Variants in CUX2 observed in about 807,000 individuals in gnomAD.
The protein encoded by CUX2 is homeobox protein cut-like 2.
Under a neutral mutation model 144.8 loss-of-function variants are expected in CUX2, and 40 were observed. The ratio of observed to expected loss-of-function variants is 0.28; its 90% CI spans 0.21 to 0.36. The LOEUF (loss-of-function observed/expected upper bound fraction) is 0.36, where lower values mean the gene tolerates loss of function less well. Ranked by LOEUF, CUX2 falls within the 10% of genes least tolerant of loss-of-function variation. The pLI is 1.00. For synonymous variants in CUX2, 827 were observed against 875.6 expected, an observed-to-expected ratio of 0.94 and a Z score of 0.98; for missense variants, 1,615 against 1,994.0, an observed-to-expected ratio of 0.81 and a Z score of 3.62.
chr12:111,228,219 A>G (rs1330047526), intron 3 of CUX2, among the ~76,000 whole-genome samples: 2 of 152,138 alleles, frequency 1.3e-5, no homozygotes, highest in African/African-American at 4.8e-5. Context: ...AGTATAGCAC[A>G]GTGGTTAGGA....
At chr12:111,185,549 G>A (rs1879475142) in intron 1 of CUX2, among the ~76,000 whole-genome samples, 1 of 152,232 alleles carries the variant, frequency 6.6e-6, no homozygotes, top group African/African-American at 2.4e-5. Context: ...CTGCAGGCTG[G>A]AAGGAGGTGC....
chr12:111,113,075 TCC>T (rs1172622918), intron 1 of CUX2, among the ~76,000 whole-genome samples: 1 of 152,132 alleles, frequency 6.6e-6, no homozygotes, highest in Non-Finnish European at 1.5e-5. Flanking sequence ...AGTAAGGGCA[TCC>T]CAGGCAGAGG....
At chr12:111,083,249 T>C (rs376215264) in intron 1 of CUX2, among the ~76,000 whole-genome samples, 4 of 151,782 alleles carry the variant, frequency 2.6e-5, no homozygotes, top group East Asian at 1.9e-4. Context: ...CAGGTGACCA[T>C]TGAGGTCACC....
chr12:111,309,379 G>A (rs1008163386), intron 14 of CUX2, among the ~76,000 whole-genome samples: 9 of 152,150 alleles, frequency 5.9e-5, no homozygotes, highest in Admixed American at 2.6e-4. Flanking sequence ...TGGCAAGTTC[G>A]ACTTCCCACC....
intron 1 of CUX2, among the ~76,000 whole-genome samples, chr12:111,069,354 T>C (rs1321590449): frequency 1.3e-5 from 2 of 152,074 alleles, no homozygotes; most frequent in East Asian, 3.9e-4. Flanking sequence ...GGCAGTATTT[T>C]CTCCCTCTTC....
At position 111,057,206 on chromosome 12, in the gene CUX2, G is replaced by C. The variant is rs923808477; in HGVS notation, c.63+22966G>C. On this transcript the variant is annotated intron_variant, in intron 1 of 21. Transcript: ENST00000261726. This position sits in a 1 kb window ranked among gnomAD's most constrained non-coding sequence, Gnocchi z 5.1. Reference sequence around the variant, plus strand: ...TGAGCTGCAGTGGGTGTGATAGGAAGTGGCCCAGTAGCAAGTAAGTGTGAC... The same window carrying C: ...TGAGCTGCAGTGGGTGTGATAGGAACTGGCCCAGTAGCAAGTAAGTGTGAC... Among the ~76,000 whole-genome samples the C allele has an allele frequency of 3.3e-5, 5 of 152,150 alleles. No individual in the cohort carries two copies. The highest frequency in any genetic ancestry group is 4.1e-4 in the South Asian group (2 of 4,820).
chr12:111,150,905 A>C (rs1348196227), intron 1 of CUX2, among the ~76,000 whole-genome samples: 1 of 149,994 alleles, frequency 6.7e-6, no homozygotes, highest in Non-Finnish European at 1.5e-5. Context: ...GGGGAAGGAA[A>C]CCCCCCCAGC....
intron 1 of CUX2, among the ~76,000 whole-genome samples, chr12:111,170,322 G>C (rs4766546): frequency 0.17 from 26,406 of 151,768 alleles, 2,744 homozygotes; most frequent in East Asian, 0.54. Context: ...CCAGCTACTC[G>C]GGAAGTTGAG....
chr12:111,107,425 G>T (rs1338802466), intron 1 of CUX2, among the ~76,000 whole-genome samples: 1 of 152,284 alleles, frequency 6.6e-6, no homozygotes, highest in Non-Finnish European at 1.5e-5. Context: ...AAGATGTCAT[G>T]TACATGTCAC....
intron 6 of CUX2, among the ~76,000 whole-genome samples, chr12:111,294,828 G>A (rs2136337773): frequency 6.6e-6 from 1 of 152,136 alleles, no homozygotes; most frequent in South Asian, 2.1e-4. Context: ...AACCTGGGAG[G>A]CGGAGGTTGC....
rs1182253150 is a variant in CUX2, at chr12:111,145,037, TC to T, written c.64-69161del. On this transcript the variant is annotated intron_variant, in intron 1 of 21. Transcript: ENST00000261726. The stretch of plus-strand genomic sequence containing the variant: ...GGCCTCCATCTTCTTTCATCTCACC[TC>T]CTAGCCTCCAGGCTGAGTTTCTGCT... Among the ~76,000 whole-genome samples the T allele has an allele frequency of 5.9e-5, 9 of 152,300 alleles. No individual in the cohort carries two copies. The East Asian group carries it at 9.7e-4, about 16-fold the overall frequency.
At chr12:111,104,345 G>T (rs548021261) in intron 1 of CUX2, among the ~76,000 whole-genome samples, 13 of 152,190 alleles carry the variant, frequency 8.5e-5, no homozygotes, top group African/African-American at 1.4e-4. Context: ...ATTTAATCGA[G>T]AAGCCAAATC....
chr12:111,053,907 C>T (rs565663005), intron 1 of CUX2, among the ~76,000 whole-genome samples: 20 of 152,368 alleles, frequency 1.3e-4, no homozygotes, highest in African/African-American at 3.8e-4. Flanking sequence ...GTAATCCTAA[C>T]GCTTTGGGAG....
At chr12:111,073,580 T>C (rs566618337) in intron 1 of CUX2, among the ~76,000 whole-genome samples, 1 of 152,210 alleles carries the variant, frequency 6.6e-6, no homozygotes, top group African/African-American at 2.4e-5. Flanking sequence ...TTGTGGGTGC[T>C]GCTCTGTGCG....
In CUX2 at chr12:111,293,944, T is replaced by C. The variant is rs377370438; in HGVS notation, c.560+375T>C. Among the ~76,000 whole-genome samples, 1 of 152,216 alleles carries C rather than the reference T, an allele frequency of 6.6e-6. No individual in the cohort carries two copies. The highest frequency in any genetic ancestry group is 2.4e-5 in the African/African-American group (1 of 41,464). On this transcript the variant is annotated intron_variant, in intron 6 of 21. Coordinates refer to ENST00000261726, the MANE Select transcript of CUX2 (RefSeq NM_015267.4). This position sits in a 1 kb window ranked among gnomAD's most constrained non-coding sequence, Gnocchi z 4.5. ...GTTGTGGGAGCTGCCAGGTGCAAAATTGGTAGAGCAGGAGTTGGTGCTGCA... is the reference window on the plus strand; with the variant it reads ...GTTGTGGGAGCTGCCAGGTGCAAAACTGGTAGAGCAGGAGTTGGTGCTGCA...
intron 1 of CUX2, among the ~76,000 whole-genome samples, chr12:111,078,852 G>C (rs972528982): frequency 6.6e-6 from 1 of 152,112 alleles, no homozygotes; most frequent in Non-Finnish European, 1.5e-5. Flanking sequence ...GATGATGGTG[G>C]CTTAACTGGG....
At chr12:111,193,585 G>A (rs994345484) in intron 1 of CUX2, among the ~76,000 whole-genome samples, 12 of 152,204 alleles carry the variant, frequency 7.9e-5, no homozygotes, top group Non-Finnish European at 1.5e-4. Flanking sequence ...AACGCCGGCC[G>A]CACATCTGCT....
At chr12:111,262,075 A>G (rs1884157335) in intron 3 of CUX2, among the ~76,000 whole-genome samples, 2 of 152,064 alleles carry the variant, frequency 1.3e-5, no homozygotes, top group Admixed American at 1.3e-4. Context: ...GCCTCCCCCC[A>G]ATTTACACAC....
chr12:111,139,011 C>A (rs1876117579), intron 1 of CUX2, among the ~76,000 whole-genome samples: 1 of 151,446 alleles, frequency 6.6e-6, no homozygotes, highest in Admixed American at 6.6e-5. Flanking sequence ...CACTAGCCCC[C>A]AGATCCCCAT....
Sources: gnomAD v4.1 joint callset for allele counts (sites outside exome capture counted in the v4.1 genomes callset) on GRCh38, gnomAD v4.1.1 for gene constraint, Gnocchi (gnomAD v3.1) non-coding constraint, MANE v1.5 for transcripts, NCBI Gene and HGNC (gene_info 2026-07-23, HGNC 2026-07-21) for gene names.